STAC2: variants seen among roughly 807,000 people sequenced by gnomAD.
The protein encoded by STAC2 is SH3 and cysteine rich domain 2, also known as SH3 and cysteine-rich domain-containing protein 2.
In STAC2, 36 loss-of-function variants were observed where a neutral mutation model predicts 49.0. The observed-to-expected ratio is 0.74, with a 90% CI of 0.56 to 0.97. The LOEUF (loss-of-function observed/expected upper bound fraction) is 0.97. Ranked by LOEUF, STAC2 falls within the 50% of genes least tolerant of loss-of-function variation. The pLI, the probability that STAC2 is intolerant of heterozygous loss-of-function variation, is 0.00. For missense variants in STAC2, 527 were observed against 543.8 expected (o/e 0.97, Z 0.31); for synonymous variants, 239 against 214.7 (o/e 1.11, Z -0.99).
intron 4 of STAC2, 97 bp downstream of exon 4, chr17:39,216,713 A>G: frequency 8.4e-7 from 1 of 1,194,736 alleles, no homozygotes; most frequent in Non-Finnish European, 1.2e-6. Context: ...AGCAATTGAG[A>G]GACGGGGTTT....
chr17:39,218,287 G>T, intron 1 of STAC2, 114 bp from the exon 2 acceptor site: 3 of 1,111,372 alleles, frequency 2.7e-6, no homozygotes, highest in Non-Finnish European at 4.0e-6. Context: ...CAGCAGCAGC[G>T]TGGGGGCTGA....
intron 1 of STAC2, among the ~76,000 whole-genome samples, chr17:39,224,450 A>G (rs1470006750): frequency 6.6e-6 from 1 of 152,170 alleles, no homozygotes; most frequent in African/African-American, 2.4e-5. Context: ...CTCGCGGGCC[A>G]GTCGCCAGCA....
intron 4 of STAC2, 77 bp downstream of exon 4, chr17:39,216,733 G>T: frequency 7.2e-7 from 1 of 1,384,816 alleles, no homozygotes; most frequent in South Asian, 1.3e-5. Context: ...TCACTGTGTT[G>T]GCCAGGCTGG....
intron 4 of STAC2, among the ~76,000 whole-genome samples, chr17:39,215,445 C>T (rs1182641190): frequency 6.6e-6 from 1 of 152,228 alleles, no homozygotes; most frequent in East Asian, 1.9e-4. Context: ...CCCACAGCCA[C>T]TCTGCCACCT....
chr17:39,218,263 G>GGCAGCAGCAGCAGCA, intron 1 of STAC2, 90 bp from the exon 2 acceptor site: 3 of 1,350,488 alleles, frequency 2.2e-6, no homozygotes. Context: ...CGGTAGGGGC[G>GGCAGCAGCAGCAGCA]GCAGCAGCAG....
At position 39,225,762 on chromosome 17, in the gene STAC2, G is replaced by T; in HGVS notation, c.-260C>A. 2.0e-6 allele frequency: 1 copy of T among 505,490 alleles called. No individual in the cohort carries two copies. Among genetic ancestry groups the T allele is most frequent in the Non-Finnish European group, 3.5e-6 (1 of 283,762 alleles). The allele number at this position is 505,490 out of a possible 1,614,324, so 31.3% of individuals were successfully genotyped here. A position where few individuals can be genotyped will look rare whatever the true frequency, so the allele number is the denominator to read the frequency against. On this transcript the variant is annotated 5_prime_UTR_variant, in exon 1 of 11. Coordinates refer to ENST00000333461, the MANE Select transcript of STAC2 (RefSeq NM_198993.5). The surrounding 1 kb of genome is among the most constrained non-coding windows in gnomAD (Gnocchi z 8.2). ...GGACCGAGGGTCTGCAGAGGATGCT[G>T]CTCGCAGCGCGGGGAGGAGGGAAGT...
In STAC2 at chr17:39,218,058, G is replaced by A. The variant is rs372965239; in HGVS notation, c.206C>T (p.Thr69Met). 7.8e-5 allele frequency: 126 copies of A among 1,610,408 alleles called. No homozygotes were observed. Among genetic ancestry groups the A allele is most frequent in the Middle Eastern group, 3.8e-4 (2 of 5,202 alleles). Reference sequence around the variant, plus strand: ...GGGAGGGGGCAGTGGGGTTGGGGGCGTCAGCAGCACCTCGGTGGGGCACTT... The same window carrying A: ...GGGAGGGGGCAGTGGGGTTGGGGGCATCAGCAGCACCTCGGTGGGGCACTT... ...ELKCPTEVLL[T>M]PPTPLPPPSP... is the part of the protein sequence containing the mutation. Residue 69 changes from threonine to methionine, a missense_variant, in exon 2 of 11, where the codon ACG becomes ATG. Coordinates refer to ENST00000333461, the MANE Select transcript of STAC2 (RefSeq NM_198993.5).
rs560394419 is a variant in STAC2 at position 39,216,831 on chromosome 17, T to C, written c.565A>G (p.Ser189Gly). 1 of 1,598,598 alleles carries C rather than the reference T, an allele frequency of 6.3e-7. No individual in the cohort carries two copies. Among genetic ancestry groups the C allele is most frequent in the South Asian group, 1.1e-5 (1 of 88,194 alleles). The change falls in exon 4 of 11, where the codon AGC becomes GGC. Residue 189 changes from serine to glycine, a missense_variant. Ser to Gly is a moderately conservative substitution (Grantham distance 56). Coordinates refer to ENST00000333461, the MANE Select transcript of STAC2 (RefSeq NM_198993.5). ...TCACCAGTGGGTGGGGACTCTTTGC[T>C]TGTGGCACAGACTGGTGGCGGCTCA... ...VHEPPPVCATSKESPPTGDSG... is the reference protein window; with the variant it reads ...VHEPPPVCATGKESPPTGDSG...
chr17:39,221,494 T>C (rs961229601), intron 1 of STAC2, among the ~76,000 whole-genome samples: 2 of 152,206 alleles, frequency 1.3e-5, no homozygotes, highest in African/African-American at 4.8e-5. Context: ...AACATTGGAA[T>C]TGAGCTAGCA....
chr17:39,223,417 G>A (rs2046480723), intron 1 of STAC2, among the ~76,000 whole-genome samples: 1 of 152,218 alleles, frequency 6.6e-6, no homozygotes, highest in Non-Finnish European at 1.5e-5. Flanking sequence ...GTATAGGGGA[G>A]GGGCGGAGGG....
Position 39,215,028 on chromosome 17 carries a change from G to A in STAC2, c.700-5C>T. ...GGTCAGCTCATCCCGCTCACTCTAG[G>A]GACAGAGAGAGGAGAGGGCTCAGCC... On this transcript the variant is annotated splice_region_variant and splice_polypyrimidine_tract_variant and intron_variant, in intron 5 of 10. Coordinates refer to ENST00000333461, the MANE Select transcript of STAC2 (RefSeq NM_198993.5). 6.2e-7 allele frequency: 1 copy of A among 1,614,026 alleles called. No homozygotes were observed. Among genetic ancestry groups the A allele is most frequent in the Non-Finnish European group, 8.5e-7 (1 of 1,179,992 alleles).
chr17:39,216,837 C>T lies in STAC2; in HGVS notation c.559G>A (p.Ala187Thr). The change falls in exon 4 of 11, where the codon GCC (alanine) becomes ACC (threonine). Residue 187 changes from alanine (A) to threonine (T), a missense_variant. Transcript: ENST00000333461. ...LLVHEPPPVC[A>T]TSKESPPTGD... ...GTGGGTGGGGACTCTTTGCTTGTGG[C>T]ACAGACTGGTGGCGGCTCATGCACC... 1 of 1,600,106 alleles carries T rather than the reference C, an allele frequency of 6.2e-7. No individual in the cohort carries two copies. Among genetic ancestry groups the T allele is most frequent in the Non-Finnish European group, 8.5e-7 (1 of 1,173,520 alleles).
At chr17:39,212,429 C>T in intron 10 of STAC2, 33 bp from the exon 11 acceptor site, 1 of 1,553,762 alleles carries the variant, frequency 6.4e-7, no homozygotes, top group Non-Finnish European at 8.8e-7. Flanking sequence ...TGAGGCCTGG[C>T]ATGGCCTGCA....
intron 1 of STAC2, among the ~76,000 whole-genome samples, chr17:39,224,566 T>C (rs2046492982): frequency 6.6e-6 from 1 of 152,252 alleles, no homozygotes; most frequent in South Asian, 2.1e-4. Context: ...GGGCTCCGCC[T>C]GCCTTCGCGG....
Position 39,218,067 on chromosome 17 carries a change from A to C in STAC2, c.197T>G (p.Val66Gly). 1 of 1,611,742 alleles carries C rather than the reference A, an allele frequency of 6.2e-7. No homozygotes were observed. The highest frequency in any genetic ancestry group is 8.5e-7 in the Non-Finnish European group (1 of 1,179,860). Residue 66 changes from valine (V) to glycine (G), a missense_variant, in exon 2 of 11, where the codon GTG becomes GGG. By Grantham distance (109) the Val-to-Gly change is moderately radical. Coordinates refer to ENST00000333461, the MANE Select transcript of STAC2 (RefSeq NM_198993.5). ...CAGTGGGGTTGGGGGCGTCAGCAGC[A>C]CCTCGGTGGGGCACTTGAGCTCAGA... ...SGSELKCPTE[V>G]LLTPPTPLPP...
Position 39,211,663 on chromosome 17 carries a change from G to C in STAC2, c.*629C>G, listed in dbSNP as rs1300524171. Reference sequence around the variant, plus strand: ...AGGGACCTCAGCCTTCCCCTCATCTGTCCGCCCAGGTTTCAAGTAACGGGA... The same window carrying C: ...AGGGACCTCAGCCTTCCCCTCATCTCTCCGCCCAGGTTTCAAGTAACGGGA... On this transcript the variant is annotated 3_prime_UTR_variant, in exon 11 of 11. Coordinates refer to ENST00000333461, the MANE Select transcript of STAC2 (RefSeq NM_198993.5). 2.6e-5 allele frequency: 4 copies of C among 152,712 alleles called. No homozygotes were observed. The highest frequency in any genetic ancestry group is 7.2e-5 in the African/African-American group (3 of 41,392). 9.5% of individuals were successfully genotyped at this position (152,712 alleles called of 1,614,324 possible). A position where few individuals can be genotyped will look rare whatever the true frequency, so the allele number is the denominator to read the frequency against.
At chr17:39,212,425 C>A in intron 10 of STAC2, 29 bp from the exon 11 acceptor site, 1 of 1,562,514 alleles carries the variant, frequency 6.4e-7, no homozygotes, top group Non-Finnish European at 8.7e-7. Flanking sequence ...GAGCTGAGGC[C>A]TGGCATGGCC....
intron 1 of STAC2, 107 bp from the exon 2 acceptor site, chr17:39,218,280 C>G: frequency 8.3e-7 from 1 of 1,203,918 alleles, no homozygotes. Context: ...GCAGCAGCAG[C>G]AGCAGCGTGG....
intron 1 of STAC2, among the ~76,000 whole-genome samples, chr17:39,220,993 T>A (rs2144257099): frequency 6.6e-6 from 1 of 150,686 alleles, no homozygotes; most frequent in Non-Finnish European, 1.5e-5. Flanking sequence ...AGACGGGGTT[T>A]CACCGTGTTA....
Sources: gnomAD v4.1 joint callset for allele counts (sites outside exome capture counted in the v4.1 genomes callset) on GRCh38, gnomAD v4.1.1 for gene constraint, Gnocchi (gnomAD v3.1) non-coding constraint, MANE v1.5 for transcripts, NCBI Gene and HGNC (gene_info 2026-07-23, HGNC 2026-07-21) for gene names.